The following RNF150 variants were observed in gnomAD, a reference collection of about 807,000 sequenced individuals.
The protein encoded by RNF150 is ring finger protein 150.
RNF150 carries 24 observed loss-of-function variants against 39.3 expected under a neutral mutation model. The observed-to-expected ratio is 0.61, with a 90% confidence interval of 0.44 to 0.86. The LOEUF (loss-of-function observed/expected upper bound fraction) is 0.86. Among genes scored for constraint, RNF150 ranks in the 40% least tolerant of loss-of-function variants. The probability of loss-of-function intolerance (pLI) is 0.00; values close to 1 mark genes in which losing one functional copy is unlikely to be tolerated. For missense variants in RNF150, 502 were observed against 587.8 expected (o/e 0.85, Z 1.51); for synonymous variants, 255 against 227.3 (o/e 1.12, Z -1.10).
At chr4:141,171,776 A>T (rs1166916739) in intron 1 of RNF150, among the ~76,000 whole-genome samples, 1 of 152,148 alleles carries the variant, frequency 6.6e-6, no homozygotes, top group Admixed American at 6.6e-5. Context: ...TATTTTGTAG[A>T]TGTTTAATTA....
At chr4:141,115,950 T>G (rs1049836312) in intron 1 of RNF150, among the ~76,000 whole-genome samples, 1 of 152,190 alleles carries the variant, frequency 6.6e-6, no homozygotes, top group Admixed American at 6.5e-5. Context: ...GGCAGAAAAC[T>G]GAAACTGGAC....
chr4:141,188,853 A>C (rs748281275), intron 1 of RNF150, among the ~76,000 whole-genome samples: 1 of 152,030 alleles, frequency 6.6e-6, no homozygotes, highest in Non-Finnish European at 1.5e-5. Flanking sequence ...GGTTTTTATT[A>C]CCCACCTTCT....
At chr4:140,890,909 C>A (rs1331519885) in intron 6 of RNF150, among the ~76,000 whole-genome samples, 1 of 152,206 alleles carries the variant, frequency 6.6e-6, no homozygotes, top group Non-Finnish European at 1.5e-5. Flanking sequence ...GAGTTTAATG[C>A]AGCTTCCAGA....
At chr4:141,038,100 A>G (rs1164922842) in intron 1 of RNF150, among the ~76,000 whole-genome samples, 4 of 152,192 alleles carry the variant, frequency 2.6e-5, no homozygotes, top group African/African-American at 9.6e-5. Flanking sequence ...GGTTAGTCAC[A>G]TCTAGTCCTA....
rs140066119 is a variant in RNF150 at position 140,872,006 on chromosome 4, C to T, written c.1199-3627G>A. 1.2e-3 allele frequency among the ~76,000 whole-genome samples: 190 copies of T among 152,270 alleles called. 1 individual carries two copies. The highest frequency in any genetic ancestry group is 0.01 in the East Asian group (52 of 5,186). The stretch of plus-strand genomic sequence containing the variant: ...GCACCAATATCATCTAATCATTTTC[C>T]ATTTAAAAACTTGTTTTTAAAATAA... On this transcript the variant is annotated intron_variant, in intron 6 of 6. Coordinates refer to ENST00000515673, the MANE Select transcript of RNF150 (RefSeq NM_020724.2).
At chr4:141,066,891 T>C (rs763290585) in intron 1 of RNF150, among the ~76,000 whole-genome samples, 60 of 152,200 alleles carry the variant, frequency 3.9e-4, no homozygotes, top group Non-Finnish European at 7.2e-4. Flanking sequence ...TCATAAAATG[T>C]ACTTATACAA....
chr4:141,078,544 G>A (rs1737993398), intron 1 of RNF150, among the ~76,000 whole-genome samples: 1 of 151,762 alleles, frequency 6.6e-6, no homozygotes, highest in Middle Eastern at 3.4e-3. Flanking sequence ...AGCACTTTGG[G>A]AGGTCAAGGT....
At chr4:141,116,508 G>A (rs1739554790) in intron 1 of RNF150, among the ~76,000 whole-genome samples, 1 of 152,212 alleles carries the variant, frequency 6.6e-6, no homozygotes, top group South Asian at 2.1e-4. Flanking sequence ...TGGAGAGGAT[G>A]TGGAGAAACA....
At chr4:140,999,969 G>GAAGAAGAAGAAGAAAAAGAAGAA (rs1560678529) in intron 1 of RNF150, among the ~76,000 whole-genome samples, 1 of 31,004 alleles carries the variant, frequency 3.2e-5, no homozygotes, top group Non-Finnish European at 9.0e-5. Flanking sequence ...AGAAGAAGAA[G>GAAGAAGAAGAAGAAAAAGAAGAA]AAGAAGAAAA....
intron 1 of RNF150, among the ~76,000 whole-genome samples, chr4:141,111,761 CG>C (rs1233221761): frequency 2.0e-5 from 3 of 152,168 alleles, no homozygotes; most frequent in African/African-American, 7.2e-5. Flanking sequence ...GGGCATCATC[CG>C]AGGCCAATTA....
At chr4:141,094,182 C>G (rs1482114284) in intron 1 of RNF150, among the ~76,000 whole-genome samples, 1 of 152,114 alleles carries the variant, frequency 6.6e-6, no homozygotes, top group African/African-American at 2.4e-5. Flanking sequence ...AGAATACAGA[C>G]AGATGTGCAA....
At chr4:141,040,989 C>A (rs1383794360) in intron 1 of RNF150, among the ~76,000 whole-genome samples, 2 of 152,056 alleles carry the variant, frequency 1.3e-5, no homozygotes, top group Non-Finnish European at 2.9e-5. Context: ...AAACTTTTAA[C>A]TTTTAAAAGT....
chr4:140,931,408 A>G (rs990406840), intron 4 of RNF150, among the ~76,000 whole-genome samples: 4 of 152,246 alleles, frequency 2.6e-5, no homozygotes, highest in Non-Finnish European at 2.9e-5. Context: ...ATCAAATATG[A>G]AAACTTTATC....
chr4:141,127,958 TA>T (rs1726794802), intron 1 of RNF150, among the ~76,000 whole-genome samples: 1 of 152,216 alleles, frequency 6.6e-6, no homozygotes, highest in East Asian at 1.9e-4. Context: ...GATTTCAATT[TA>T]AGCCAAAAGA....
At chr4:140,976,087 C>A (rs1230270703) in intron 1 of RNF150, among the ~76,000 whole-genome samples, 1 of 152,056 alleles carries the variant, frequency 6.6e-6, no homozygotes, top group Non-Finnish European at 1.5e-5. Flanking sequence ...TTCGGCTTTC[C>A]TATGAAGACA....
intron 1 of RNF150, among the ~76,000 whole-genome samples, chr4:141,019,033 A>AATAT (rs10527652): frequency 1.4e-4 from 18 of 126,406 alleles, no homozygotes; most frequent in African/African-American, 2.8e-4. Context: ...ACTGCAAAGA[A>AATAT]ATATATATAT....
chr4:140,895,306 G>A (rs1264498706), intron 6 of RNF150, among the ~76,000 whole-genome samples: 1 of 152,138 alleles, frequency 6.6e-6, no homozygotes, highest in African/African-American at 2.4e-5. Flanking sequence ...CTAAGGGGAA[G>A]CTGAATATTT....
chr4:140,991,819 A>AT (rs1734205744), intron 1 of RNF150, among the ~76,000 whole-genome samples: 1 of 152,138 alleles, frequency 6.6e-6, no homozygotes, highest in South Asian at 2.1e-4. Context: ...AGCCTGGCTG[A>AT]TTTTTCCCAG....
intron 1 of RNF150, among the ~76,000 whole-genome samples, chr4:141,086,979 T>C (rs1738389990): frequency 6.6e-6 from 1 of 152,188 alleles, no homozygotes; most frequent in Non-Finnish European, 1.5e-5. Context: ...TATTGCTTTT[T>C]ATTTTTATTA....
Sources: gnomAD v4.1 joint callset for allele counts (sites outside exome capture counted in the v4.1 genomes callset) on GRCh38, gnomAD v4.1.1 for gene constraint, MANE v1.5 for transcripts, NCBI Gene and HGNC (gene_info 2026-07-23, HGNC 2026-07-21) for gene names.